Variants in FGFR2 observed in about 807,000 individuals in gnomAD.
FGFR2 encodes the protein fibroblast growth factor receptor 2, also known as BEK fibroblast growth factor receptor.
Under a neutral mutation model 95.9 loss-of-function variants are expected in FGFR2, and 19 were observed. That is an observed-to-expected ratio of 0.20 (90% CI 0.14 to 0.29). FGFR2 has a LOEUF of 0.29. Ranked by LOEUF, FGFR2 falls within the 10% of genes least tolerant of loss-of-function variation. The pLI, the probability that FGFR2 is intolerant of heterozygous loss-of-function variation, is 1.00. For synonymous variants in FGFR2, 392 were observed against 393.3 expected (o/e 1.00, Z 0.04); for missense variants, 707 against 1,056.9 (o/e 0.67, Z 4.59).
At chr10:121,482,248 C>T (rs1844853825) in intron 17 of FGFR2, 3 of 1,450,350 alleles carry the variant, frequency 2.1e-6, no homozygotes, top group Admixed American at 1.7e-5. Flanking sequence ...CTAGAAACAA[C>T]AATTTTGGCA....
At chr10:121,589,162 C>T (rs569340891) in intron 2 of FGFR2, among the ~76,000 whole-genome samples, 33 of 152,238 alleles carry the variant, frequency 2.2e-4, no homozygotes, top group Admixed American at 2.6e-4. Context: ...CAGCCAGGCA[C>T]CCAAAAATCA....
intron 5 of FGFR2, among the ~76,000 whole-genome samples, chr10:121,549,157 G>T (rs1175037176): frequency 6.6e-6 from 1 of 152,078 alleles, no homozygotes; most frequent in Non-Finnish European, 1.5e-5. Context: ...ATTTTCCTCT[G>T]AATTTTGGCC....
At chr10:121,562,886 T>C (rs1261894302) in intron 4 of FGFR2, among the ~76,000 whole-genome samples, 6 of 152,096 alleles carry the variant, frequency 3.9e-5, no homozygotes, top group Non-Finnish European at 8.8e-5. Context: ...TTGGGGAAGA[T>C]TATATGGGAA....
rs542553547 is a variant in FGFR2, at chr10:121,509,165, C to A, written c.1288-5224G>T. 3.2e-3 allele frequency among the ~76,000 whole-genome samples: 493 copies of A among 152,340 alleles called. 4 individuals are homozygous for A. The highest frequency in any genetic ancestry group is 5.0e-3 in the Non-Finnish European group (341 of 68,042). ...GAAACTTCAATTCCAGAGTTTCATT[C>A]CTAACCAATTTTAACATATTCTCTT... On this transcript the variant is annotated intron_variant, in intron 9 of 17. Transcript: ENST00000358487.
intron 4 of FGFR2, among the ~76,000 whole-genome samples, chr10:121,554,444 T>C (rs1312733319): frequency 6.6e-6 from 1 of 151,176 alleles, no homozygotes; most frequent in Non-Finnish European, 1.5e-5. Flanking sequence ...GTTCACGCCA[T>C]TCTCCTGCCT....
intron 6 of FGFR2, chr10:121,538,233 C>T: frequency 4.7e-6 from 3 of 644,970 alleles, no homozygotes. Flanking sequence ...GGAAATGATG[C>T]TTCTCTTTTA....
At chr10:121,572,623 A>G in intron 2 of FGFR2, among the ~76,000 whole-genome samples, 1 of 148,750 alleles carries the variant, frequency 6.7e-6, no homozygotes, top group East Asian at 2.0e-4. Context: ...TGTCTCAAAC[A>G]AAAAAAAAAC....
Position 121,486,683 on chromosome 10 carries a change from A to G in FGFR2, c.2057+671T>C, listed in dbSNP as rs561008242. Among the ~76,000 whole-genome samples, 26 of 152,260 alleles carry G rather than the reference A, an allele frequency of 1.7e-4. No individual in the cohort carries two copies. The South Asian group carries it at 5.2e-3, about 30-fold the overall frequency. Reference sequence around the variant, plus strand: ...CCTTGATCTCCTGACCTCGTGATCCACCCGCCTTGCCCTCCCAAAGTGCTG... The same window carrying G: ...CCTTGATCTCCTGACCTCGTGATCCGCCCGCCTTGCCCTCCCAAAGTGCTG... On this transcript the variant is annotated intron_variant, in intron 15 of 17. Coordinates refer to ENST00000358487, the MANE Select transcript of FGFR2 (RefSeq NM_000141.5).
chr10:121,516,774 C>A (rs1438393005), intron 8 of FGFR2, among the ~76,000 whole-genome samples: 1 of 152,176 alleles, frequency 6.6e-6, no homozygotes, highest in African/African-American at 2.4e-5. Flanking sequence ...TGAAAGCAAA[C>A]CGAAAGTCCA....
intron 9 of FGFR2, among the ~76,000 whole-genome samples, chr10:121,513,632 G>C (rs1849332503): frequency 6.6e-6 from 1 of 152,004 alleles, no homozygotes; most frequent in Non-Finnish European, 1.5e-5. Context: ...GAAACTGGTT[G>C]GCCAACTGGC....
At chr10:121,578,805 G>T (rs1322446461) in intron 2 of FGFR2, among the ~76,000 whole-genome samples, 1 of 152,260 alleles carries the variant, frequency 6.6e-6, no homozygotes. Context: ...AGCTACTCGG[G>T]AGGCTGAGGC....
At chr10:121,577,178 T>TATATATATATATATAG in intron 2 of FGFR2, among the ~76,000 whole-genome samples, 5 of 5,214 alleles carry the variant, frequency 9.6e-4, no homozygotes, top group South Asian at 6.8e-3. Flanking sequence ...TATATATATA[T>TATATATATATATATAG]AGAGAGAGAG....
At chr10:121,512,856 A>G (rs190415905) in intron 9 of FGFR2, among the ~76,000 whole-genome samples, 1 of 152,286 alleles carries the variant, frequency 6.6e-6, no homozygotes, top group East Asian at 1.9e-4. Flanking sequence ...AAAAGGACCA[A>G]CTTAGGCTGA....
chr10:121,549,166 C>T (rs1421180118), intron 5 of FGFR2, among the ~76,000 whole-genome samples: 1 of 152,068 alleles, frequency 6.6e-6, no homozygotes, highest in African/African-American at 2.4e-5. Context: ...TGAATTTTGG[C>T]CTCTAGATGT....
chr10:121,479,746 C>T lies in FGFR2; in HGVS notation c.*111G>A, dbSNP rs574474794. The stretch of plus-strand genomic sequence containing the variant: ...ATTACTTTTCCAATTATTTACTCCT[C>T]TGATCCATATATACAAGTGGAGACA... On this transcript the variant is annotated 3_prime_UTR_variant, in exon 18 of 18. Transcript: ENST00000358487. 2.4e-3 allele frequency: 3,930 copies of T among 1,612,686 alleles called. 6 individuals carry two copies. The highest frequency in any genetic ancestry group is 3.0e-3 in the Non-Finnish European group (3,586 of 1,179,012).
At chr10:121,559,852 A>T (rs1377643688) in intron 4 of FGFR2, among the ~76,000 whole-genome samples, 1 of 152,136 alleles carries the variant, frequency 6.6e-6, no homozygotes, top group Admixed American at 6.5e-5. Flanking sequence ...ACAGCATATA[A>T]TCCTTCTGAA....
In FGFR2 at chr10:121,598,068, G is replaced by C. The variant is rs984802189; in HGVS notation, c.-257C>G. ...GTTGCGGGGAGCAACTCCAAACGCA[G>C]AAGAGTGGTCCTTGGGTCTTCGCCG... On this transcript the variant is annotated 5_prime_UTR_variant, in exon 1 of 18. Coordinates refer to ENST00000358487, the MANE Select transcript of FGFR2 (RefSeq NM_000141.5). The C allele has an allele frequency of 1.5e-5, 6 of 398,174 alleles. No individual in the cohort carries two copies. Among genetic ancestry groups the C allele is most frequent in the Non-Finnish European group, 2.7e-5 (6 of 225,832 alleles). 24.7% of individuals were successfully genotyped at this position (398,174 alleles called of 1,614,324 possible).
Position 121,570,824 on chromosome 10 carries a change from A to C in FGFR2, c.110-5120T>G, listed in dbSNP as rs530697479. 1.1e-4 allele frequency among the ~76,000 whole-genome samples: 16 copies of C among 152,336 alleles called. No individual in the cohort carries two copies. In the South Asian group the frequency reaches 3.1e-3, roughly 30 times the overall value. On this transcript the variant is annotated intron_variant, in intron 2 of 17. Transcript: ENST00000358487. The stretch of plus-strand genomic sequence containing the variant: ...TGTTTCCTAAAACTGGTAAACAAAC[A>C]AGGCACCAAGTCTCCTTCCTGGGAC...
At position 121,565,368 on chromosome 10, in the gene FGFR2, CT is replaced by C; in HGVS notation, c.376+69del. The C allele has an allele frequency of 1.9e-6, 3 of 1,600,312 alleles. No individual in the cohort carries two copies. In the South Asian group the frequency reaches 3.3e-5, roughly 18 times the overall value. ...CAATTACAATTAGAGATCTCACTAC[CT>C]TTTCACTTGGCCAAAAAAATGTAAT... On this transcript the variant is annotated intron_variant, in intron 3 of 17. Transcript: ENST00000358487.
Sources: allele counts gnomAD v4.1 joint callset (sites outside exome capture counted in the v4.1 genomes callset), GRCh38; gene constraint gnomAD v4.1.1; transcripts MANE v1.5; gene names NCBI Gene and HGNC (gene_info 2026-07-23, HGNC 2026-07-21).